GPC5: variants seen among roughly 807,000 people sequenced by gnomAD.
GPC5 encodes the protein glypican 5.
A neutral mutation model predicts 53.9 loss-of-function variants in GPC5; 47 were observed. That is an observed-to-expected ratio of 0.87 (90% CI 0.69 to 1.11). GPC5 has a LOEUF of 1.11. Among genes scored for constraint, GPC5 ranks in the 50% most tolerant of loss-of-function variants. The probability of loss-of-function intolerance (pLI) is 0.00; values close to 1 mark genes in which losing one functional copy is unlikely to be tolerated. For missense variants in GPC5, 748 were observed against 713.1 expected, an observed-to-expected ratio of 1.05 and a Z score of -0.56; for synonymous variants, 286 against 263.3, an observed-to-expected ratio of 1.09 and a Z score of -0.84.
intron 7 of GPC5, among the ~76,000 whole-genome samples, chr13:92,788,213 G>A (rs1445442927): frequency 6.6e-6 from 1 of 151,840 alleles, no homozygotes; most frequent in Non-Finnish European, 1.5e-5. Flanking sequence ...ACAAGAAATA[G>A]GAACATGTCC....
chr13:91,602,977 T>C (rs1002109948), intron 2 of GPC5, among the ~76,000 whole-genome samples: 2 of 152,220 alleles, frequency 1.3e-5, no homozygotes. Context: ...AATCCACCAA[T>C]GTACATGAGG....
rs1381720821 is a variant in GPC5, at chr13:91,693,231, A to G, written c.370A>G (p.Ile124Val). The G allele has an allele frequency of 1.9e-6, 3 of 1,614,028 alleles. No individual in the cohort carries two copies. The highest frequency in any genetic ancestry group is 2.2e-5 in the South Asian group (2 of 91,070). Reference protein sequence around the residue: ...LIKQAENYTSILFCSTYRNMA... With the variant: ...LIKQAENYTSVLFCSTYRNMA... ...CAAACAAGCAGAAAATTACACCAGT[A>G]TACTTTTTTGCAGTACCTACAGGAA... Residue 124 changes from isoleucine (I) to valine (V), a missense_variant, in exon 3 of 8, where the codon ATA (isoleucine) becomes GTA (valine). Ile to Val is a conservative substitution (Grantham distance 29, BLOSUM62 3). Coordinates refer to ENST00000377067, the MANE Select transcript of GPC5 (RefSeq NM_004466.6).
chr13:91,970,808 G>T (rs1398387511), intron 6 of GPC5, among the ~76,000 whole-genome samples: 1 of 152,184 alleles, frequency 6.6e-6, no homozygotes, highest in Non-Finnish European at 1.5e-5. Flanking sequence ...GCATCCCAGG[G>T]ATGAAGCCCA....
chr13:92,694,806 A>G (rs1364091674), intron 7 of GPC5, among the ~76,000 whole-genome samples: 3 of 152,116 alleles, frequency 2.0e-5, no homozygotes, highest in African/African-American at 7.2e-5. Flanking sequence ...AAATGACCTG[A>G]GATTTCAGAG....
intron 6 of GPC5, among the ~76,000 whole-genome samples, chr13:92,000,879 A>G (rs1386314375): frequency 6.6e-6 from 1 of 152,224 alleles, no homozygotes; most frequent in East Asian, 1.9e-4. Flanking sequence ...CCATTTCAGA[A>G]GGGTTCCAGG....
intron 7 of GPC5, among the ~76,000 whole-genome samples, chr13:92,225,564 C>T (rs1414276601): frequency 6.6e-6 from 1 of 152,080 alleles, no homozygotes; most frequent in Non-Finnish European, 1.5e-5. Flanking sequence ...TAATGCAGTC[C>T]AATAATTGTG....
chr13:91,663,329 T>C (rs763661896), intron 2 of GPC5, among the ~76,000 whole-genome samples: 1 of 152,234 alleles, frequency 6.6e-6, no homozygotes, highest in Non-Finnish European at 1.5e-5. Flanking sequence ...ATTTCCTCAC[T>C]CCGTGTACAT....
chr13:91,409,308 G>A (rs1359793139), intron 1 of GPC5, among the ~76,000 whole-genome samples: 1 of 152,120 alleles, frequency 6.6e-6, no homozygotes, highest in Non-Finnish European at 1.5e-5. Context: ...AACTTAAAAG[G>A]TAAAGGGAAT....
intron 7 of GPC5, among the ~76,000 whole-genome samples, chr13:92,535,461 A>G (rs568716228): frequency 4.7e-4 from 72 of 152,176 alleles, no homozygotes; most frequent in Non-Finnish European, 8.7e-4. Flanking sequence ...AGTGGTTTAT[A>G]TAGAGGGAAA....
At chr13:92,618,380 T>A (rs1884766398) in intron 7 of GPC5, among the ~76,000 whole-genome samples, 1 of 152,066 alleles carries the variant, frequency 6.6e-6, no homozygotes, top group African/African-American at 2.4e-5. Context: ...GCTCCCCAAA[T>A]GCTTAACTTC....
chr13:91,618,989 T>C (rs1014999499), intron 2 of GPC5, among the ~76,000 whole-genome samples: 1 of 152,084 alleles, frequency 6.6e-6, no homozygotes, highest in African/African-American at 2.4e-5. Flanking sequence ...ACTATTACTA[T>C]TATTATAATT....
chr13:91,538,651 TG>T (rs1239916393), intron 2 of GPC5, among the ~76,000 whole-genome samples: 1 of 151,350 alleles, frequency 6.6e-6, no homozygotes, highest in East Asian at 1.9e-4. Flanking sequence ...GGCATGATCT[TG>T]GCTCATTGCA....
chr13:92,626,654 G>A (rs547406410), intron 7 of GPC5, among the ~76,000 whole-genome samples: 2 of 152,070 alleles, frequency 1.3e-5, no homozygotes, highest in Admixed American at 1.3e-4. Flanking sequence ...TTTAATGCTG[G>A]GTTGGATTAA....
chr13:92,110,003 G>GA (rs1204546050), intron 6 of GPC5, among the ~76,000 whole-genome samples: 1 of 152,006 alleles, frequency 6.6e-6, no homozygotes, highest in Non-Finnish European at 1.5e-5. Flanking sequence ...ATATCCAGTA[G>GA]AAAAAATAAA....
chr13:91,641,523 C>G (rs1283931390), intron 2 of GPC5, among the ~76,000 whole-genome samples: 1 of 152,182 alleles, frequency 6.6e-6, no homozygotes, highest in Admixed American at 6.5e-5. Context: ...GGCTTGATAC[C>G]TACATGATGG....
intron 2 of GPC5, among the ~76,000 whole-genome samples, chr13:91,625,882 A>C (rs9301742): frequency 6.6e-6 from 1 of 151,982 alleles, no homozygotes; most frequent in Admixed American, 6.6e-5. Context: ...TTAAATATTC[A>C]TTTTCCTCAC....
intron 5 of GPC5, among the ~76,000 whole-genome samples, chr13:91,821,308 A>G (rs1374687466): frequency 6.6e-6 from 1 of 152,202 alleles, no homozygotes; most frequent in African/African-American, 2.4e-5. Context: ...TTTAATACAT[A>G]TGTCAAGTTT....
At chr13:92,140,802 A>G (rs2041824846) in intron 6 of GPC5, among the ~76,000 whole-genome samples, 1 of 152,216 alleles carries the variant, frequency 6.6e-6, no homozygotes, top group South Asian at 2.1e-4. Context: ...CGAATAGTGG[A>G]GATGAGCAGT....
At chr13:92,161,358 A>G (rs540332450) in intron 7 of GPC5, among the ~76,000 whole-genome samples, 3 of 152,278 alleles carry the variant, frequency 2.0e-5, no homozygotes, top group African/African-American at 7.2e-5. Flanking sequence ...AGTGCCTCCA[A>G]ACATGAGGCA....
Sources: gnomAD v4.1 joint callset for allele counts (sites outside exome capture counted in the v4.1 genomes callset) on GRCh38, gnomAD v4.1.1 for gene constraint, MANE v1.5 for transcripts, NCBI Gene and HGNC (gene_info 2026-07-23, HGNC 2026-07-21) for gene names.